The following TRIM9 variants were observed in gnomAD, a reference collection of about 807,000 sequenced individuals.
TRIM9 encodes E3 ubiquitin-protein ligase TRIM9.
Under a neutral mutation model 78.3 loss-of-function variants are expected in TRIM9, and 26 were observed. The observed-to-expected ratio is 0.33, with a 90% CI of 0.24 to 0.46. TRIM9 has a LOEUF of 0.46. Ranked by LOEUF, TRIM9 falls within the 20% of genes least tolerant of loss-of-function variation. The pLI, the probability that TRIM9 is intolerant of heterozygous loss-of-function variation, is 1.00. For missense variants in TRIM9, 787 were observed against 1,036.4 expected (o/e 0.76, Z 3.30); for synonymous variants, 398 against 416.5 (o/e 0.96, Z 0.54).
At chr14:51,086,314 C>T (rs2063746264) in intron 1 of TRIM9, among the ~76,000 whole-genome samples, 1 of 152,072 alleles carries the variant, frequency 6.6e-6, no homozygotes, top group Non-Finnish European at 1.5e-5. Context: ...AGTTTTCTCA[C>T]AGGAAGATGT....
intron 1 of TRIM9, among the ~76,000 whole-genome samples, chr14:51,052,967 G>C (rs1235780524): frequency 1.3e-5 from 2 of 152,014 alleles, no homozygotes; most frequent in East Asian, 3.9e-4. Flanking sequence ...GACCAGCCTG[G>C]GCAACATGGT....
chr14:51,086,946 A>C (rs1458301791), intron 1 of TRIM9, among the ~76,000 whole-genome samples: 1 of 152,208 alleles, frequency 6.6e-6, no homozygotes, highest in Non-Finnish European at 1.5e-5. Context: ...AAAATGAATC[A>C]GCCAAAATGA....
At chr14:51,011,121 T>G (rs2056520896) in intron 3 of TRIM9, among the ~76,000 whole-genome samples, 1 of 152,180 alleles carries the variant, frequency 6.6e-6, no homozygotes, top group Non-Finnish European at 1.5e-5. Flanking sequence ...AATTAAGTTT[T>G]AAGAATAACC....
At position 51,021,020 on chromosome 14, in the gene TRIM9, C is replaced by T. The variant is rs544836592; in HGVS notation, c.1041+1815G>A. ...CTTAAATAGTTGTTCCACTATTTAG[C>T]GGGGAAAACTGTTCAGTTTCATTTC... is the stretch of plus-strand genomic sequence containing the variant. On this transcript the variant is annotated intron_variant, in intron 3 of 12. Coordinates refer to ENST00000684578, the MANE Select transcript of TRIM9 (RefSeq NM_001387360.1). Among the ~76,000 whole-genome samples the T allele has an allele frequency of 1.1e-4, 16 of 152,228 alleles. No individual in the cohort carries two copies. In the East Asian group the frequency reaches 2.1e-3, roughly 20 times the overall value.
chr14:50,988,668 C>G (rs545042801), intron 7 of TRIM9, among the ~76,000 whole-genome samples: 1 of 149,932 alleles, frequency 6.7e-6, no homozygotes, highest in South Asian at 2.1e-4. Flanking sequence ...TAGCTGTTAA[C>G]AACAACAAAA....
chr14:50,998,929 C>A (rs183573411), intron 6 of TRIM9, among the ~76,000 whole-genome samples: 1 of 152,298 alleles, frequency 6.6e-6, no homozygotes, highest in East Asian at 1.9e-4. Context: ...TATGACAACT[C>A]TCTGGTAGGA....
chr14:50,990,822 C>T (rs1421330158), intron 7 of TRIM9, among the ~76,000 whole-genome samples: 3 of 152,138 alleles, frequency 2.0e-5, no homozygotes, highest in Non-Finnish European at 4.4e-5. Context: ...TGAGTTTCAA[C>T]TCAATTATAA....
At chr14:51,092,694 T>C (rs563196418) in intron 1 of TRIM9, among the ~76,000 whole-genome samples, 3 of 152,070 alleles carry the variant, frequency 2.0e-5, no homozygotes, top group Admixed American at 1.3e-4. Context: ...TCCTCAAGAG[T>C]TGCTCCCTTC....
intron 7 of TRIM9, among the ~76,000 whole-genome samples, chr14:50,989,388 C>T (rs1484364212): frequency 6.6e-6 from 1 of 152,240 alleles, no homozygotes. Context: ...CCCTTCAAAA[C>T]ACAACTATCA....
At chr14:51,049,509 A>T (rs190316220) in intron 1 of TRIM9, among the ~76,000 whole-genome samples, 4 of 152,208 alleles carry the variant, frequency 2.6e-5, no homozygotes, top group African/African-American at 9.6e-5. Context: ...CATTCAACAA[A>T]TATAGTGTAT....
chr14:51,067,281 T>C (rs146591318), intron 1 of TRIM9, among the ~76,000 whole-genome samples: 5 of 152,332 alleles, frequency 3.3e-5, no homozygotes, highest in Middle Eastern at 6.8e-3. Context: ...ACTGTAAGTA[T>C]CTTCCAAATA....
intron 1 of TRIM9, among the ~76,000 whole-genome samples, chr14:51,077,939 C>T (rs906901332): frequency 1.3e-5 from 2 of 152,190 alleles, no homozygotes; most frequent in South Asian, 2.1e-4. Flanking sequence ...CATATAAAAG[C>T]GTTTTGGTTA....
chr14:50,996,874 C>T (rs1464083732), intron 7 of TRIM9: 37 of 985,322 alleles, frequency 3.8e-5, no homozygotes, highest in South Asian at 4.7e-5. Flanking sequence ...GACAACTGCT[C>T]CCCAAAGCAC....
intron 1 of TRIM9, among the ~76,000 whole-genome samples, chr14:51,039,828 G>T (rs1455306696): frequency 1.3e-5 from 2 of 151,794 alleles, no homozygotes; most frequent in Non-Finnish European, 2.9e-5. Context: ...CTCACTGCAA[G>T]CTCTGCCTCC....
intron 1 of TRIM9, among the ~76,000 whole-genome samples, chr14:51,049,858 G>T (rs1297159587): frequency 5.9e-5 from 9 of 151,680 alleles, no homozygotes; most frequent in African/African-American, 1.7e-4. Flanking sequence ...AAAATAAAAA[G>T]ATTATTATTA....
intron 7 of TRIM9, chr14:50,997,134 C>G (rs1332403366): frequency 2.0e-6 from 2 of 985,128 alleles, no homozygotes; most frequent in African/African-American, 3.5e-5. Flanking sequence ...AAAATGACAC[C>G]CCAAAGTGTC....
chr14:51,030,657 G>C (rs1283584789), intron 1 of TRIM9, among the ~76,000 whole-genome samples: 1 of 152,062 alleles, frequency 6.6e-6, no homozygotes, highest in Non-Finnish European at 1.5e-5. Flanking sequence ...GTAAGAATGT[G>C]AGTTTAAGAG....
intron 1 of TRIM9, among the ~76,000 whole-genome samples, chr14:51,026,304 G>A (rs539274959): frequency 1.3e-5 from 2 of 152,202 alleles, no homozygotes; most frequent in African/African-American, 4.8e-5. Flanking sequence ...GAAGGAGCTC[G>A]GTTCTGATGG....
In TRIM9 at chr14:50,979,485, A is replaced by C; in HGVS notation, c.2227T>G (p.Leu743Val). 6.2e-7 allele frequency: 1 copy of C among 1,614,140 alleles called. No homozygotes were observed. The highest frequency in any genetic ancestry group is 8.5e-7 in the Non-Finnish European group (1 of 1,180,026). The change falls in exon 12 of 13, where the codon TTG becomes GTG. Residue 743 changes from leucine to valine, a missense_variant. By Grantham distance (32) the Leu-to-Val change is conservative. Transcript: ENST00000684578. Reference sequence around the variant, plus strand: ...TGTTCATCGTTGATAAAAAATGTCAAGTTTTTTCTATTTAAGTCGAGGAGG... The same window carrying C: ...TGTTCATCGTTGATAAAAAATGTCACGTTTTTTCTATTTAAGTCGAGGAGG... ...GVLLDLNRKN[L>V]TFFINDEQQG...
Sources: gnomAD v4.1 joint callset for allele counts (sites outside exome capture counted in the v4.1 genomes callset) on GRCh38, gnomAD v4.1.1 for gene constraint, MANE v1.5 for transcripts, NCBI Gene and HGNC (gene_info 2026-07-23, HGNC 2026-07-21) for gene names.